The following P4HA3 variants were observed in gnomAD, a reference collection of about 807,000 sequenced individuals.
P4HA3 encodes the protein prolyl 4-hydroxylase subunit alpha-3.
A neutral mutation model predicts 66.7 loss-of-function variants in P4HA3; 60 were observed. That is an observed-to-expected ratio of 0.90 (90% CI 0.73 to 1.12). The LOEUF is 1.12. P4HA3 is among the 50% of genes most tolerant of loss of function. The pLI is 0.00. For synonymous variants in P4HA3, 263 were observed against 274.6 expected, an observed-to-expected ratio of 0.96 and a Z score of 0.42; for missense variants, 683 against 685.8, an observed-to-expected ratio of 1.00 and a Z score of 0.05.
At chr11:74,264,818 T>C (rs1859964185), downstream of P4HA3, among the ~76,000 whole-genome samples, 2 of 152,324 alleles carry the variant, frequency 1.3e-5, no homozygotes, top group South Asian at 4.1e-4. Context: ...CTTCCAGGGC[T>C]CTATCCTCTG....
intron 4 of P4HA3, among the ~76,000 whole-genome samples, chr11:74,289,796 T>A (rs753109910): frequency 6.6e-6 from 1 of 152,074 alleles, no homozygotes; most frequent in Non-Finnish European, 1.5e-5. Flanking sequence ...TATGGCTGCA[T>A]AGTATTCCCT....
At position 74,251,989 on chromosome 11, in the gene P4HA3, G is replaced by A. The variant is rs530012417; in HGVS notation, c.*1319-3988C>T. 14 of 645,396 alleles carry A rather than the reference G, an allele frequency of 2.2e-5. No individual in the cohort carries two copies. In the African/African-American group the frequency reaches 2.3e-4, roughly 11 times the overall value. 40.0% of individuals were successfully genotyped at this position (645,396 alleles called of 1,614,324 possible). The stretch of plus-strand genomic sequence containing the variant: ...TGTGATGTGCATTTCTTCTTGAGGT[G>A]CCCCTTTGAGGAGGCTGGGATAGGA... On this transcript the variant is annotated intron_variant and NMD_transcript_variant, in intron 15 of 15. Transcript: ENST00000524388.
intron 15 of P4HA3, chr11:74,252,266 TAGTAAAGATGG>T: frequency 3.4e-6 from 1 of 296,002 alleles, no homozygotes; most frequent in Admixed American, 4.2e-5. Context: ...TTTTTTTTTT[TAGTAAAGATGG>T]TGGTTTCTCC....
At chr11:74,303,261 C>G in intron 2 of P4HA3, among the ~76,000 whole-genome samples, 1 of 150,966 alleles carries the variant, frequency 6.6e-6, no homozygotes, top group African/African-American at 2.4e-5. Flanking sequence ...AGACTCTTCT[C>G]ACTGTTAGCT....
intron 4 of P4HA3, among the ~76,000 whole-genome samples, chr11:74,293,926 T>C (rs376502593): frequency 0.046 from 6,962 of 152,270 alleles, 200 homozygotes; most frequent in Non-Finnish European, 0.068. Context: ...TTATGTGTCT[T>C]GGAGTTGCTC....
At chr11:74,270,043 G>A (rs750410057) in intron 10 of P4HA3, among the ~76,000 whole-genome samples, 1 of 151,750 alleles carries the variant, frequency 6.6e-6, no homozygotes, top group Non-Finnish European at 1.5e-5. Flanking sequence ...TTTAAATAAT[G>A]ACCCAAGACA....
At chr11:74,311,122 G>C (rs911460991) in intron 1 of P4HA3, among the ~76,000 whole-genome samples, 2 of 152,110 alleles carry the variant, frequency 1.3e-5, no homozygotes, top group Non-Finnish European at 2.9e-5. Flanking sequence ...GCCACTATGT[G>C]TGTGATGGAG....
intron 15 of P4HA3, chr11:74,253,383 G>T: frequency 1.8e-6 from 2 of 1,135,108 alleles, no homozygotes; most frequent in Non-Finnish European, 2.6e-6. Flanking sequence ...GGTCAGATTT[G>T]CCAGGGCCTT....
chr11:74,251,845 T>C, intron 15 of P4HA3: 1 of 1,116,404 alleles, frequency 9.0e-7, no homozygotes, highest in South Asian at 1.2e-5. Context: ...TTCCTCCTCC[T>C]CAGTGAAGAG....
chr11:74,289,993 G>A (rs1860953999), intron 4 of P4HA3, among the ~76,000 whole-genome samples: 1 of 152,136 alleles, frequency 6.6e-6, no homozygotes, highest in South Asian at 2.1e-4. Context: ...GGTATTTCTA[G>A]TTCTAGATCC....
chr11:74,305,224 G>A (rs529322188), intron 1 of P4HA3, among the ~76,000 whole-genome samples: 1 of 152,106 alleles, frequency 6.6e-6, no homozygotes, highest in Non-Finnish European at 1.5e-5. Context: ...ATCCAGGTGG[G>A]AGTTAGAAGG....
intron 9 of P4HA3, among the ~76,000 whole-genome samples, chr11:74,275,283 T>C (rs549560326): frequency 9.2e-5 from 14 of 152,358 alleles, no homozygotes; most frequent in East Asian, 1.9e-4. Flanking sequence ...TTTTCTCTTA[T>C]GTTTTCTTCT....
At chr11:74,306,801 C>A (rs1861593450) in intron 1 of P4HA3, among the ~76,000 whole-genome samples, 2 of 152,172 alleles carry the variant, frequency 1.3e-5, no homozygotes, top group Non-Finnish European at 2.9e-5. Context: ...AACTAAGGAA[C>A]AAGAACCTGG....
chr11:74,302,713 G>T, intron 2 of P4HA3, 121 bp from the exon 3 acceptor site: 3 of 910,150 alleles, frequency 3.3e-6, no homozygotes, highest in South Asian at 1.7e-5. Flanking sequence ...TTGTCTTTGT[G>T]TTCCCAGAGG....
chr11:74,283,624 C>G (rs1273215990), intron 7 of P4HA3, among the ~76,000 whole-genome samples: 1 of 152,214 alleles, frequency 6.6e-6, no homozygotes, highest in Non-Finnish European at 1.5e-5. Context: ...AATGGTGTCT[C>G]ACATCTAGCT....
intron 1 of P4HA3, among the ~76,000 whole-genome samples, chr11:74,307,511 T>C (rs1250215946): frequency 6.6e-6 from 1 of 152,176 alleles, no homozygotes; most frequent in East Asian, 1.9e-4. Context: ...TGTTTAGATA[T>C]GCCATTTTTC....
intron 1 of P4HA3, among the ~76,000 whole-genome samples, chr11:74,305,756 C>T (rs1286227329): frequency 2.0e-5 from 3 of 152,056 alleles, no homozygotes; most frequent in Non-Finnish European, 2.9e-5. Context: ...AACTTTTTTT[C>T]TCATCATTCT....
At chr11:74,290,766 A>G (rs1039563880) in intron 4 of P4HA3, among the ~76,000 whole-genome samples, 1 of 152,084 alleles carries the variant, frequency 6.6e-6, no homozygotes, top group Non-Finnish European at 1.5e-5. Context: ...GATATGCGGC[A>G]TTATTTCTGA....
intron 4 of P4HA3, among the ~76,000 whole-genome samples, chr11:74,291,885 A>G (rs1173441672): frequency 3.3e-5 from 5 of 152,060 alleles, no homozygotes; most frequent in Non-Finnish European, 7.4e-5. Flanking sequence ...ATGTTCATCA[A>G]GGATATTGGT....
Sources: allele counts gnomAD v4.1 joint callset (sites outside exome capture counted in the v4.1 genomes callset), GRCh38; gene constraint gnomAD v4.1.1; transcripts MANE v1.5; gene names NCBI Gene and HGNC (gene_info 2026-07-23, HGNC 2026-07-21).